The following FAM3B variants were observed in gnomAD, a reference collection of about 807,000 sequenced individuals.
FAM3B encodes the protein protein FAM3B.
FAM3B carries 29 observed loss-of-function variants against 28.4 expected under a neutral mutation model. The ratio of observed to expected loss-of-function variants is 1.02; its 90% CI spans 0.76 to 1.39. The LOEUF is 1.39. FAM3B is among the 40% of genes most tolerant of loss of function. The pLI, the probability that FAM3B is intolerant of heterozygous loss-of-function variation, is 0.00. For synonymous variants in FAM3B, 91 were observed against 103.0 expected (o/e 0.88, Z 0.71); for missense variants, 266 against 293.9 (o/e 0.91, Z 0.69).
upstream of FAM3B, among the ~76,000 whole-genome samples, chr21:41,312,722 A>AGTGTGT (rs10580404): frequency 4.9e-3 from 726 of 148,314 alleles, 9 homozygotes; most frequent in East Asian, 0.023. Flanking sequence ...TGTGTGTGAG[A>AGTGTGT]GTGTGTGTGT....
chr21:41,332,321 A>G (rs544503985), intron 2 of FAM3B, among the ~76,000 whole-genome samples: 1 of 152,346 alleles, frequency 6.6e-6, no homozygotes, highest in Non-Finnish European at 1.5e-5. Context: ...ACCTCTTTAT[A>G]AATTACTCAA....
intron 1 of FAM3B, chr21:41,322,589 T>C (rs2145798429): frequency 1.4e-6 from 1 of 717,184 alleles, no homozygotes; most frequent in Non-Finnish European, 2.6e-6. Flanking sequence ...TTTTTTCAGG[T>C]TCACGTTGGG....
Position 41,357,103 on chromosome 21 carries a change from C to T in FAM3B, c.619-5C>T. On this transcript the variant is annotated splice_polypyrimidine_tract_variant and splice_region_variant and intron_variant, in intron 7 of 7. Coordinates refer to ENST00000357985, the MANE Select transcript of FAM3B (RefSeq NM_058186.4). ...ATAAATAAAACTCTTCTTTTCTCTA[C>T]ACAGATCAACCACTCTGATGCTAAG... 6.2e-7 allele frequency: 1 copy of T among 1,607,802 alleles called. No homozygotes were observed. Among genetic ancestry groups the T allele is most frequent in the Non-Finnish European group, 8.5e-7 (1 of 1,176,312 alleles).
intron 2 of FAM3B, 76 bp downstream of exon 2, chr21:41,323,142 G>T (rs2088825332): frequency 4.5e-6 from 7 of 1,568,482 alleles, no homozygotes; most frequent in Non-Finnish European, 6.0e-6. Context: ...TTCTGTCCCA[G>T]CTGGAGGCTG....
At chr21:41,311,484 A>G (rs1413998371) in intron 1 of FAM3B, among the ~76,000 whole-genome samples, 3 of 151,030 alleles carry the variant, frequency 2.0e-5, no homozygotes, top group African/African-American at 7.3e-5. Flanking sequence ...TAAAAATGAC[A>G]AATTTTTAAT....
In FAM3B at chr21:41,326,068, G is replaced by A. The variant is rs1294381646; in HGVS notation, c.163+3002G>A. On this transcript the variant is annotated intron_variant, in intron 2 of 7. Coordinates refer to ENST00000357985, the MANE Select transcript of FAM3B (RefSeq NM_058186.4). The surrounding 1 kb of genome is among the most constrained non-coding windows in gnomAD (Gnocchi z 4.0). Reference sequence around the variant, plus strand: ...GCTTTTCATGAGGCATAAGAAACAGGAGACTAAATAGAAGGTCCGCCGTTC... The same window carrying A: ...GCTTTTCATGAGGCATAAGAAACAGAAGACTAAATAGAAGGTCCGCCGTTC... Among the ~76,000 whole-genome samples, 2 of 152,216 alleles carry A rather than the reference G, an allele frequency of 1.3e-5. No homozygotes were observed. The highest frequency in any genetic ancestry group is 1.5e-5 in the Non-Finnish European group (1 of 68,036).
intron 1 of FAM3B, chr21:41,322,705 GAAA>G: frequency 1.4e-6 from 1 of 734,320 alleles, no homozygotes; most frequent in Non-Finnish European, 2.5e-6. Flanking sequence ...ACTTGCCCTG[GAAA>G]GCATTCCTGT....
intron 6 of FAM3B, 66 bp from the exon 7 acceptor site, chr21:41,348,526 G>T: frequency 6.3e-7 from 1 of 1,598,922 alleles, no homozygotes. Context: ...AACACATCCA[G>T]AGCAGAGTTC....
intron 6 of FAM3B, among the ~76,000 whole-genome samples, chr21:41,347,797 TAC>T (rs57221915): frequency 0.14 from 20,803 of 147,070 alleles, 3,210 homozygotes; most frequent in African/African-American, 0.39. Context: ...AATACACACA[TAC>T]ACATTCAATA....
intron 1 of FAM3B, among the ~76,000 whole-genome samples, chr21:41,305,244 C>T (rs1245642892): frequency 8.5e-5 from 13 of 152,128 alleles, no homozygotes; most frequent in East Asian, 3.9e-4. Context: ...GGGGTTGGTG[C>T]GGGTTCCATG....
chr21:41,346,885 C>G, intron 5 of FAM3B, 128 bp from the exon 6 acceptor site: 1 of 782,968 alleles, frequency 1.3e-6, no homozygotes, highest in Non-Finnish European at 2.2e-6. Flanking sequence ...CAGGGTTGAG[C>G]AGCGAGCGCT....
At chr21:41,352,030 T>C (rs73226197) in intron 7 of FAM3B, among the ~76,000 whole-genome samples, 19,359 of 152,190 alleles carry the variant, frequency 0.13, 1,349 homozygotes, top group Middle Eastern at 0.19. Flanking sequence ...ACAAGCATGA[T>C]GCAGCAGGAG....
At chr21:41,353,846 C>G (rs147782028) in intron 7 of FAM3B, among the ~76,000 whole-genome samples, 2 of 152,218 alleles carry the variant, frequency 1.3e-5, no homozygotes, top group East Asian at 1.9e-4. Context: ...AAGAAACTAT[C>G]GAGTAAACAG....
intron 5 of FAM3B, 23 bp from the exon 6 acceptor site, chr21:41,346,990 A>T (rs2089066509): frequency 6.2e-7 from 1 of 1,612,046 alleles, no homozygotes; most frequent in Non-Finnish European, 8.5e-7. Flanking sequence ...AAGACCCTAA[A>T]ACTGACTTGC....
At chr21:41,335,822 G>T (rs2088950698) in intron 2 of FAM3B, among the ~76,000 whole-genome samples, 1 of 152,164 alleles carries the variant, frequency 6.6e-6, no homozygotes, top group Non-Finnish European at 1.5e-5. Context: ...CCTAACACAT[G>T]GTCTGTCCTG....
intron 1 of FAM3B, among the ~76,000 whole-genome samples, chr21:41,311,404 A>G (rs1184366707): frequency 6.7e-6 from 1 of 148,480 alleles, no homozygotes; most frequent in Non-Finnish European, 1.5e-5. Flanking sequence ...TTGAGGCTGC[A>G]GTGAGCTATG....
intron 1 of FAM3B, 110 bp from the exon 2 acceptor site, chr21:41,322,813 A>C (rs552830174): frequency 1.9e-6 from 3 of 1,545,246 alleles, no homozygotes; most frequent in East Asian, 4.5e-5. Flanking sequence ...CCTATAGCGC[A>C]GTCCCCTGAC....
upstream of FAM3B, among the ~76,000 whole-genome samples, chr21:41,316,170 C>T (rs746280167): frequency 6.6e-6 from 1 of 152,212 alleles, no homozygotes; most frequent in Non-Finnish European, 1.5e-5. Flanking sequence ...CACACATCTG[C>T]CTGACCCCCA....
At chr21:41,340,900 C>CA (rs2089000488) in intron 3 of FAM3B, among the ~76,000 whole-genome samples, 1 of 151,364 alleles carries the variant, frequency 6.6e-6, no homozygotes, top group South Asian at 2.1e-4. Flanking sequence ...TTCTTAATGG[C>CA]AAAAAATAAG....
Sources: gnomAD v4.1 joint callset for allele counts (sites outside exome capture counted in the v4.1 genomes callset) on GRCh38, gnomAD v4.1.1 for gene constraint, Gnocchi (gnomAD v3.1) non-coding constraint, MANE v1.5 for transcripts, NCBI Gene and HGNC (gene_info 2026-07-23, HGNC 2026-07-21) for gene names.